ATRNL1: variants seen among roughly 807,000 people sequenced by gnomAD.
The protein encoded by ATRNL1 is attractin like 1, also known as attractin-like protein 1.
Under a neutral mutation model 182.7 loss-of-function variants are expected in ATRNL1, and 95 were observed. The observed-to-expected ratio is 0.52, with a 90% CI of 0.44 to 0.62. ATRNL1 has a LOEUF of 0.62. Ranked by LOEUF, ATRNL1 falls within the 20% of genes least tolerant of loss-of-function variation. The probability of loss-of-function intolerance (pLI) is 0.00; values close to 1 mark genes in which losing one functional copy is unlikely to be tolerated. For missense variants in ATRNL1, 1,471 were observed against 1,679.5 expected, an observed-to-expected ratio of 0.88 and a Z score of 2.17; for synonymous variants, 576 against 568.3, an observed-to-expected ratio of 1.01 and a Z score of -0.19.
chr10:115,556,487 A>G (rs1853320465), intron 26 of ATRNL1, among the ~76,000 whole-genome samples: 1 of 152,210 alleles, frequency 6.6e-6, no homozygotes, highest in Non-Finnish European at 1.5e-5. Context: ...CTGTGCAGAC[A>G]ATGAAAACTA....
intron 26 of ATRNL1, among the ~76,000 whole-genome samples, chr10:115,562,430 T>C (rs1226801093): frequency 9.2e-5 from 14 of 152,188 alleles, no homozygotes; most frequent in African/African-American, 3.4e-4. Context: ...AAAATTTAAA[T>C]ATTATTGAAT....
chr10:115,632,109 AGAAGG>A (rs1275545168), intron 26 of ATRNL1, among the ~76,000 whole-genome samples: 1 of 152,162 alleles, frequency 6.6e-6, no homozygotes, highest in Non-Finnish European at 1.5e-5. Flanking sequence ...ACTAAAAAGA[AGAAGG>A]GAAGAATTAA....
chr10:115,655,696 ATAAAACT>A (rs1240981252), intron 26 of ATRNL1, among the ~76,000 whole-genome samples: 2 of 152,236 alleles, frequency 1.3e-5, no homozygotes, highest in East Asian at 3.8e-4. Context: ...ATATTAATGA[ATAAAACT>A]TAAAATAAAA....
intron 5 of ATRNL1, among the ~76,000 whole-genome samples, chr10:115,143,801 G>C (rs1264255644): frequency 6.6e-6 from 1 of 151,948 alleles, no homozygotes; most frequent in Admixed American, 6.6e-5. Context: ...CAAGCTCTCT[G>C]GTCTCTCCTT....
At chr10:115,134,481 C>G (rs1301472334) in intron 5 of ATRNL1, among the ~76,000 whole-genome samples, 1 of 152,074 alleles carries the variant, frequency 6.6e-6, no homozygotes, top group South Asian at 2.1e-4. Flanking sequence ...CCAAGACTAA[C>G]CAGGAAGAAG....
At chr10:115,340,554 G>A (rs1470447855) in intron 19 of ATRNL1, among the ~76,000 whole-genome samples, 1 of 148,230 alleles carries the variant, frequency 6.7e-6, no homozygotes, top group Non-Finnish European at 1.5e-5. Flanking sequence ...AATGAGTTTG[G>A]AAGTATTTCC....
intron 26 of ATRNL1, among the ~76,000 whole-genome samples, chr10:115,575,732 G>A (rs911001383): frequency 4.6e-5 from 7 of 151,896 alleles, no homozygotes; most frequent in African/African-American, 1.7e-4. Flanking sequence ...TTATAAGTAA[G>A]CTCTTACCTT....
At chr10:115,892,304 T>C (rs185367555) in intron 28 of ATRNL1, among the ~76,000 whole-genome samples, 34 of 152,268 alleles carry the variant, frequency 2.2e-4, no homozygotes, top group African/African-American at 7.9e-4. Context: ...TAAATTTTTG[T>C]GTAAGAGACT....
intron 9 of ATRNL1, among the ~76,000 whole-genome samples, chr10:115,223,761 A>T (rs1554897970): frequency 6.6e-6 from 1 of 151,180 alleles, no homozygotes; most frequent in East Asian, 1.9e-4. Context: ...AAGGATTAAA[A>T]TAATACAAAT....
At chr10:115,536,007 A>C (rs1241745303) in intron 25 of ATRNL1, among the ~76,000 whole-genome samples, 1 of 149,406 alleles carries the variant, frequency 6.7e-6, no homozygotes, top group African/African-American at 2.5e-5. Flanking sequence ...GTGACGTGTC[A>C]GTCTGCCCCT....
At chr10:115,914,688 T>TAA (rs1952790245) in intron 28 of ATRNL1, among the ~76,000 whole-genome samples, 1 of 152,216 alleles carries the variant, frequency 6.6e-6, no homozygotes. Context: ...CACTGTTTCT[T>TAA]ACGGTTGACT....
At chr10:115,326,410 A>G (rs1854884687) in intron 18 of ATRNL1, among the ~76,000 whole-genome samples, 1 of 152,180 alleles carries the variant, frequency 6.6e-6, no homozygotes, top group South Asian at 2.1e-4. Flanking sequence ...AGAACTACAA[A>G]CCACTGCTCT....
chr10:115,462,635 T>G lies in ATRNL1; in HGVS notation c.3417+600T>G, dbSNP rs7094814. Among the ~76,000 whole-genome samples the G allele has an allele frequency of 3.2e-3, 489 of 152,062 alleles. 1 individual carries two copies. Among genetic ancestry groups the G allele is most frequent in the African/African-American group, 0.011 (442 of 41,512 alleles). On this transcript the variant is annotated intron_variant, in intron 22 of 28. Coordinates refer to ENST00000355044, the MANE Select transcript of ATRNL1 (RefSeq NM_207303.4). ...CAAAAAATAAATAAATAAATAAAAC[T>G]AATGAATTCAAAGCATACTATATTA... is the stretch of plus-strand genomic sequence containing the variant.
chr10:115,700,309 T>G (rs1555051118), intron 26 of ATRNL1, among the ~76,000 whole-genome samples: 1 of 152,122 alleles, frequency 6.6e-6, no homozygotes, highest in Non-Finnish European at 1.5e-5. Context: ...CCAGCAACAC[T>G]GTGTAAGTGT....
intron 15 of ATRNL1, among the ~76,000 whole-genome samples, chr10:115,298,920 G>A (rs1400800696): frequency 2.6e-5 from 4 of 151,852 alleles, no homozygotes; most frequent in Non-Finnish European, 2.9e-5. Flanking sequence ...GAAATTTATT[G>A]TATTTGTACT....
chr10:115,748,460 A>T (rs1593164026), intron 27 of ATRNL1, among the ~76,000 whole-genome samples: 1 of 151,462 alleles, frequency 6.6e-6, no homozygotes, highest in South Asian at 2.1e-4. Context: ...TTACATAAAT[A>T]AATCTTTATG....
At chr10:115,392,898 C>T (rs1382911690) in intron 19 of ATRNL1, among the ~76,000 whole-genome samples, 1 of 152,116 alleles carries the variant, frequency 6.6e-6, no homozygotes, top group African/African-American at 2.4e-5. Flanking sequence ...TTCTTGACTT[C>T]AGTGTTAGTA....
At chr10:115,111,940 A>T (rs952712837) in intron 1 of ATRNL1, among the ~76,000 whole-genome samples, 1 of 152,182 alleles carries the variant, frequency 6.6e-6, no homozygotes, top group African/African-American at 2.4e-5. Flanking sequence ...GTAGGACAAC[A>T]GTAGTGGAAG....
intron 25 of ATRNL1, among the ~76,000 whole-genome samples, chr10:115,533,615 T>C (rs1851755725): frequency 2.0e-5 from 3 of 152,048 alleles, no homozygotes; most frequent in African/African-American, 4.8e-5. Flanking sequence ...CAGTTCTGCT[T>C]TGATTTTAGT....
Sources: allele counts gnomAD v4.1 joint callset (sites outside exome capture counted in the v4.1 genomes callset), GRCh38; gene constraint gnomAD v4.1.1; transcripts MANE v1.5; gene names NCBI Gene and HGNC (gene_info 2026-07-23, HGNC 2026-07-21).